Variants in RYR3 observed in about 807,000 individuals in gnomAD.
The protein encoded by RYR3 is brain ryanodine receptor-calcium release channel.
A neutral mutation model predicts 584.3 loss-of-function variants in RYR3; 207 were observed. The ratio of observed to expected loss-of-function variants is 0.35; its 90% CI spans 0.32 to 0.40. The LOEUF (loss-of-function observed/expected upper bound fraction) is 0.40, where lower values mean the gene tolerates loss of function less well. Among genes scored for constraint, RYR3 ranks in the 10% least tolerant of loss-of-function variants. The pLI, the probability that RYR3 is intolerant of heterozygous loss-of-function variation, is 1.00. For missense variants in RYR3, 5,616 were observed against 6,089.2 expected, an observed-to-expected ratio of 0.92 and a Z score of 2.59; for synonymous variants, 2,416 against 2,248.5, an observed-to-expected ratio of 1.07 and a Z score of -2.11.
intron 54 of RYR3, 77 bp downstream of exon 54, chr15:33,748,337 T>A (rs1426250133): frequency 6.4e-7 from 1 of 1,566,042 alleles, no homozygotes; most frequent in African/African-American, 1.4e-5. Flanking sequence ...GCCTGGGGCA[T>A]CGTAGGTGGG....
intron 10 of RYR3, among the ~76,000 whole-genome samples, chr15:33,562,134 C>T (rs1435973905): frequency 2.0e-5 from 3 of 152,132 alleles, no homozygotes; most frequent in East Asian, 1.9e-4. Context: ...CCTCATGACA[C>T]GCTATTGTGA....
intron 19 of RYR3, among the ~76,000 whole-genome samples, chr15:33,616,850 C>A (rs1274992415): frequency 3.3e-5 from 5 of 152,206 alleles, no homozygotes; most frequent in Non-Finnish European, 7.3e-5. Context: ...TTGGGAAATA[C>A]ATTTTACTGA....
intron 27 of RYR3, among the ~76,000 whole-genome samples, chr15:33,643,491 T>C (rs1052641124): frequency 3.9e-5 from 6 of 152,206 alleles, no homozygotes; most frequent in African/African-American, 1.4e-4. Flanking sequence ...AGATGATAGC[T>C]GTAGGAAGGA....
intron 40 of RYR3, 23 bp from the exon 41 acceptor site, chr15:33,699,681 A>G (rs369989952): frequency 3.9e-5 from 63 of 1,608,496 alleles, no homozygotes; most frequent in Non-Finnish European, 5.3e-5. Flanking sequence ...CTTTTGTCTG[A>G]CACTTTCTAC....
chr15:33,848,438 C>G lies in RYR3; in HGVS notation c.13628+17C>G, dbSNP rs767763240. 3 of 1,599,284 alleles carry G rather than the reference C, an allele frequency of 1.9e-6. No individual in the cohort carries two copies. The South Asian group carries it at 3.4e-5, about 18-fold the overall frequency. On this transcript the variant is annotated intron_variant, in intron 94 of 103. Coordinates refer to ENST00000634891, the MANE Select transcript of RYR3 (RefSeq NM_001036.6). ...CAACACACCGTGAGTGTCCCTCTAC[C>G]CCAACCTAAAAAGGAGATGGAGTCT...
intron 75 of RYR3, 21 bp downstream of exon 75, chr15:33,816,979 G>T: frequency 7.2e-7 from 1 of 1,389,248 alleles, no homozygotes; most frequent in South Asian, 1.2e-5. Flanking sequence ...ACTCCCCTGG[G>T]AGCAGATATG....
intron 57 of RYR3, among the ~76,000 whole-genome samples, chr15:33,751,612 T>G (rs1203415821): frequency 5.9e-5 from 9 of 152,006 alleles, no homozygotes; most frequent in Admixed American, 1.3e-4. Flanking sequence ...TTAAGTTCCT[T>G]GTAGATTCTG....
chr15:33,542,681 C>G (rs2055920695), intron 7 of RYR3, among the ~76,000 whole-genome samples: 1 of 152,018 alleles, frequency 6.6e-6, no homozygotes, highest in African/African-American at 2.4e-5. Flanking sequence ...AATCCAGCAC[C>G]CAAAATAGTT....
At chr15:33,334,265 T>C (rs1970699021) in intron 1 of RYR3, among the ~76,000 whole-genome samples, 1 of 152,220 alleles carries the variant, frequency 6.6e-6, no homozygotes, top group Non-Finnish European at 1.5e-5. Flanking sequence ...GGCATCATGC[T>C]ACTCAACTTC....
chr15:33,638,073 C>T (rs956343974), intron 27 of RYR3, among the ~76,000 whole-genome samples: 15 of 152,144 alleles, frequency 9.9e-5, no homozygotes, highest in African/African-American at 3.4e-4. Context: ...CTTACAAGTC[C>T]GTTGTATTTT....
intron 42 of RYR3, among the ~76,000 whole-genome samples, chr15:33,706,423 A>G (rs1284194895): frequency 6.6e-6 from 1 of 152,082 alleles, no homozygotes; most frequent in South Asian, 2.1e-4. Flanking sequence ...GGCAACCACC[A>G]TTCTACTTTC....
intron 3 of RYR3, among the ~76,000 whole-genome samples, chr15:33,506,493 CA>C (rs1487668445): frequency 6.6e-6 from 1 of 151,964 alleles, no homozygotes; most frequent in Non-Finnish European, 1.5e-5. Flanking sequence ...CTATTTTTGC[CA>C]AAGAGAAGAG....
At chr15:33,354,845 C>T (rs1013513116) in intron 1 of RYR3, among the ~76,000 whole-genome samples, 16 of 152,272 alleles carry the variant, frequency 1.1e-4, no homozygotes, top group African/African-American at 3.9e-4. Context: ...TGAAAACCAC[C>T]TTTCGGCAGC....
chr15:33,841,212 G>T (rs2078342252), intron 90 of RYR3, among the ~76,000 whole-genome samples: 1 of 152,012 alleles, frequency 6.6e-6, no homozygotes, highest in African/African-American at 2.4e-5. Context: ...GCAAGACCCT[G>T]TCTCAAAAAC....
intron 53 of RYR3, among the ~76,000 whole-genome samples, chr15:33,747,239 T>C (rs1423781988): frequency 6.6e-6 from 1 of 152,226 alleles, no homozygotes; most frequent in Non-Finnish European, 1.5e-5. Flanking sequence ...AACTCAACTC[T>C]GAATTCTTAT....
At chr15:33,488,299 A>G (rs1391704926) in intron 2 of RYR3, among the ~76,000 whole-genome samples, 1 of 151,886 alleles carries the variant, frequency 6.6e-6, no homozygotes, top group Non-Finnish European at 1.5e-5. Context: ...GCCCCAGGTG[A>G]ATTATGAATA....
chr15:33,554,062 G>A (rs1560965), intron 10 of RYR3, among the ~76,000 whole-genome samples: 107,899 of 152,006 alleles, frequency 0.71, 39,962 homozygotes, highest in Middle Eastern at 0.86. Flanking sequence ...GCTTTCAGGC[G>A]AGTGTCAAGT....
intron 2 of RYR3, among the ~76,000 whole-genome samples, chr15:33,481,733 C>G (rs2049985932): frequency 6.6e-6 from 1 of 151,676 alleles, no homozygotes; most frequent in African/African-American, 2.4e-5. Flanking sequence ...CCACCCGCCT[C>G]AGTCTCCCAA....
chr15:33,699,946 A>C, intron 41 of RYR3, 113 bp downstream of exon 41: 1 of 1,051,582 alleles, frequency 9.5e-7, no homozygotes, highest in Non-Finnish European at 1.4e-6. Context: ...GATATTTGTA[A>C]ATACTAGAAG....
Sources: allele counts gnomAD v4.1 joint callset (sites outside exome capture counted in the v4.1 genomes callset), GRCh38; gene constraint gnomAD v4.1.1; transcripts MANE v1.5; gene names NCBI Gene and HGNC (gene_info 2026-07-23, HGNC 2026-07-21).